The following IQCM variants were observed in gnomAD, a reference collection of about 807,000 sequenced individuals.
IQCM encodes the protein IQ motif containing M.
Under a neutral mutation model 57.6 loss-of-function variants are expected in IQCM, and 45 were observed. That is an observed-to-expected ratio of 0.78 (90% CI 0.62 to 1.00). IQCM has a LOEUF of 1.00. Among genes scored for constraint, IQCM ranks in the 50% least tolerant of loss-of-function variants. The pLI is 0.00. For synonymous variants in IQCM, 148 were observed against 158.9 expected (o/e 0.93, Z 0.51); for missense variants, 468 against 511.6 (o/e 0.91, Z 0.82).
intron 7 of IQCM, among the ~76,000 whole-genome samples, chr4:149,630,848 CA>C (rs1421389111): frequency 6.6e-6 from 1 of 152,038 alleles, no homozygotes; most frequent in East Asian, 1.9e-4. Context: ...AATAATTATG[CA>C]GAAAACACTT....
intron 12 of IQCM, among the ~76,000 whole-genome samples, chr4:149,516,339 C>T (rs1369736323): frequency 6.6e-6 from 1 of 152,182 alleles, no homozygotes. Context: ...TCCATGGACT[C>T]ACAGAGTGCC....
intron 12 of IQCM, among the ~76,000 whole-genome samples, chr4:149,513,258 GATGA>G (rs1437094651): frequency 6.6e-6 from 1 of 152,154 alleles, no homozygotes; most frequent in African/African-American, 2.4e-5. Context: ...AATTCCTGAA[GATGA>G]ATGAGACTTC....
intron 5 of IQCM, among the ~76,000 whole-genome samples, chr4:149,726,127 G>GAGAGAGAAAGAAAGAAAGAAAGA (rs1765901735): frequency 2.8e-5 from 4 of 142,176 alleles, no homozygotes; most frequent in South Asian, 2.3e-4. Context: ...AAGAAAGAAA[G>GAGAGAGAAAGAAAGAAAGAAAGA]AAAGAAAGAA....
intron 2 of IQCM, among the ~76,000 whole-genome samples, chr4:149,807,710 A>G (rs1057226163): frequency 5.9e-5 from 9 of 152,024 alleles, no homozygotes; most frequent in African/African-American, 1.9e-4. Flanking sequence ...GCCAGAATAT[A>G]TAAGGGAAAA....
intron 5 of IQCM, among the ~76,000 whole-genome samples, chr4:149,721,473 C>T (rs1261571759): frequency 6.6e-6 from 1 of 151,994 alleles, no homozygotes; most frequent in Non-Finnish European, 1.5e-5. Flanking sequence ...TCTCCAGTGT[C>T]CATTATACCA....
intron 7 of IQCM, among the ~76,000 whole-genome samples, chr4:149,650,076 T>G (rs1759016384): frequency 6.6e-6 from 1 of 152,148 alleles, no homozygotes; most frequent in Non-Finnish European, 1.5e-5. Context: ...AAAATTATGT[T>G]GCCCAAAAAG....
chr4:149,676,603 C>T (rs557740243), intron 7 of IQCM, among the ~76,000 whole-genome samples: 17 of 152,082 alleles, frequency 1.1e-4, no homozygotes, highest in Admixed American at 2.0e-4. Flanking sequence ...TAAGATTTGA[C>T]GCTAGAAACT....
intron 13 of IQCM, among the ~76,000 whole-genome samples, chr4:149,408,255 A>G (rs1255653834): frequency 6.6e-6 from 1 of 152,202 alleles, no homozygotes; most frequent in Non-Finnish European, 1.5e-5. Flanking sequence ...ATGGAGTAAT[A>G]AAGAAAATGA....
At chr4:149,597,075 A>G (rs894222059) in intron 8 of IQCM, among the ~76,000 whole-genome samples, 5 of 152,018 alleles carry the variant, frequency 3.3e-5, no homozygotes, top group Non-Finnish European at 5.9e-5. Flanking sequence ...TTAGAGAAAT[A>G]TATTGAAGAA....
intron 2 of IQCM, among the ~76,000 whole-genome samples, chr4:149,774,675 T>G (rs1283403267): frequency 6.6e-6 from 1 of 151,840 alleles, no homozygotes; most frequent in Non-Finnish European, 1.5e-5. Flanking sequence ...CTCTTCCAGC[T>G]TTGGAGGCCC....
intron 13 of IQCM, among the ~76,000 whole-genome samples, chr4:149,397,431 G>C (rs1478448242): frequency 1.3e-5 from 2 of 151,924 alleles, no homozygotes; most frequent in Non-Finnish European, 2.9e-5. Context: ...TTGGATCATG[G>C]GGGTGATTTC....
At chr4:149,528,765 G>C (rs996740199) in intron 12 of IQCM, among the ~76,000 whole-genome samples, 2 of 152,144 alleles carry the variant, frequency 1.3e-5, no homozygotes, top group Non-Finnish European at 2.9e-5. Context: ...TAAATGCTCA[G>C]TAGATGGTAC....
intron 12 of IQCM, among the ~76,000 whole-genome samples, chr4:149,473,408 A>G (rs1002245274): frequency 6.6e-6 from 1 of 152,238 alleles, no homozygotes; most frequent in African/African-American, 2.4e-5. Flanking sequence ...AGAAATGCAT[A>G]TCAAAACCAC....
chr4:149,677,616 A>T lies in IQCM; in HGVS notation c.565+4502T>A, dbSNP rs1263433141. On this transcript the variant is annotated intron_variant, in intron 7 of 13. Transcript: ENST00000636793. ...ACCAAATTAATCTTACAATGCAAAG[A>T]CATAGATGTACATCCACAAGTAACA... 3.3e-5 allele frequency among the ~76,000 whole-genome samples: 5 copies of T among 152,172 alleles called. 1 individual carries two copies. In the East Asian group the frequency reaches 7.8e-4, roughly 24 times the overall value.
chr4:149,623,112 T>C (rs1276981036), intron 7 of IQCM, among the ~76,000 whole-genome samples: 1 of 152,192 alleles, frequency 6.6e-6, no homozygotes, highest in East Asian at 1.9e-4. Context: ...ACATTATATG[T>C]ATAAAAACAT....
intron 3 of IQCM, among the ~76,000 whole-genome samples, chr4:149,737,306 ATTTGTGCATTTCATTG>A (rs1767030073): frequency 6.6e-6 from 1 of 152,182 alleles, no homozygotes; most frequent in South Asian, 2.1e-4. Context: ...TACACCTAAG[ATTTGTGCATTTCATTG>A]TATGTACATT....
chr4:149,554,426 C>T (rs1453134416), intron 10 of IQCM, among the ~76,000 whole-genome samples: 1 of 152,018 alleles, frequency 6.6e-6, no homozygotes, highest in Non-Finnish European at 1.5e-5. Flanking sequence ...AAGCGATTCT[C>T]ATGTCTCAGC....
At chr4:149,561,036 A>C (rs1343330283) in intron 10 of IQCM, among the ~76,000 whole-genome samples, 1 of 152,192 alleles carries the variant, frequency 6.6e-6, no homozygotes, top group East Asian at 1.9e-4. Flanking sequence ...AGGCAAAACA[A>C]CTTTAACCAC....
At chr4:149,597,547 T>A (rs987029723) in intron 8 of IQCM, among the ~76,000 whole-genome samples, 1 of 152,030 alleles carries the variant, frequency 6.6e-6, no homozygotes, top group African/African-American at 2.4e-5. Flanking sequence ...CACGCCACCA[T>A]GGCCAGCTAA....
Sources: gnomAD v4.1 joint callset for allele counts (sites outside exome capture counted in the v4.1 genomes callset) on GRCh38, gnomAD v4.1.1 for gene constraint, MANE v1.5 for transcripts, NCBI Gene and HGNC (gene_info 2026-07-23, HGNC 2026-07-21) for gene names.